DNAH11: variants seen among roughly 807,000 people sequenced by gnomAD.
DNAH11 encodes dynein axonemal heavy chain 11.
In DNAH11, 442 loss-of-function variants were observed where a neutral mutation model predicts 526.0. The observed-to-expected ratio is 0.84, with a 90% CI of 0.78 to 0.91. The LOEUF (loss-of-function observed/expected upper bound fraction) is 0.91. DNAH11 is among the 40% of genes least tolerant of loss of function. The probability of loss-of-function intolerance (pLI) is 0.00; values close to 1 mark genes in which losing one functional copy is unlikely to be tolerated. For missense variants in DNAH11, 6,989 were observed against 5,448.7 expected (o/e 1.28, Z -8.90); for synonymous variants, 2,461 against 1,935.9 (o/e 1.27, Z -7.12).
intron 65 of DNAH11, among the ~76,000 whole-genome samples, chr7:21,819,828 C>T (rs1370464057): frequency 6.6e-6 from 1 of 152,168 alleles, no homozygotes; most frequent in Non-Finnish European, 1.5e-5. Context: ...AAGTCTTTAT[C>T]ACAAAATATC....
At chr7:21,835,868 C>CAAA (rs112075174) in intron 65 of DNAH11, among the ~76,000 whole-genome samples, 22 of 117,194 alleles carry the variant, frequency 1.9e-4, no homozygotes, top group African/African-American at 5.9e-4. Context: ...AAAGACTCCT[C>CAAA]AAAAAAAAAA....
chr7:21,707,357 T>A (rs561016641), intron 39 of DNAH11, among the ~76,000 whole-genome samples: 166 of 152,352 alleles, frequency 1.1e-3, no homozygotes, highest in African/African-American at 3.9e-3. Context: ...TCTTGCTGAT[T>A]CAGGCAGGGT....
At chr7:21,680,426 T>C (rs917580718) in intron 30 of DNAH11, among the ~76,000 whole-genome samples, 1 of 152,224 alleles carries the variant, frequency 6.6e-6, no homozygotes, top group East Asian at 1.9e-4. Context: ...GGCAGAAATC[T>C]TTTTGTGTAA....
intron 66 of DNAH11, among the ~76,000 whole-genome samples, chr7:21,849,394 C>T (rs1350590631): frequency 6.6e-6 from 1 of 152,144 alleles, no homozygotes; most frequent in Non-Finnish European, 1.5e-5. Context: ...TCTTCATTTA[C>T]TCCTTCTCTA....
intron 81 of DNAH11, 94 bp from the exon 82 acceptor site, chr7:21,900,913 A>C: frequency 1.4e-6 from 2 of 1,467,912 alleles, no homozygotes; most frequent in Non-Finnish European, 1.8e-6. Flanking sequence ...ACAAAACCAG[A>C]ATGTTGAATG....
chr7:21,628,846 A>T (rs530959347), intron 25 of DNAH11, among the ~76,000 whole-genome samples: 1 of 152,212 alleles, frequency 6.6e-6, no homozygotes, highest in East Asian at 1.9e-4. Flanking sequence ...ATCTTTTCAC[A>T]AAACCACCTT....
At chr7:21,574,937 T>C in intron 8 of DNAH11, among the ~76,000 whole-genome samples, 1 of 129,128 alleles carries the variant, frequency 7.7e-6, no homozygotes. Flanking sequence ...TGCAGTGGCA[T>C]GATCTCAGCT....
chr7:21,618,921 C>T (rs1785908570), intron 23 of DNAH11, among the ~76,000 whole-genome samples, 179 bp from the exon 24 acceptor site: 1 of 152,162 alleles, frequency 6.6e-6, no homozygotes, highest in South Asian at 2.1e-4. Context: ...GCAGGTGACG[C>T]CTCAGGAATT....
intron 65 of DNAH11, among the ~76,000 whole-genome samples, chr7:21,834,876 A>G (rs1036515758): frequency 2.0e-5 from 3 of 152,064 alleles, no homozygotes; most frequent in Admixed American, 2.0e-4. Context: ...AAATAACACA[A>G]ACAAGATCAG....
rs1356574072 is a variant in DNAH11 at position 21,867,805 on chromosome 7, C to T, written c.11691-54C>T. The T allele has an allele frequency of 3.3e-6, 5 of 1,527,464 alleles. No individual in the cohort carries two copies. In the Admixed American group the frequency reaches 9.9e-5, roughly 30 times the overall value. The allele number at this position is 1,527,464 out of a possible 1,614,324, so 94.6% of individuals were successfully genotyped here. A position where few individuals can be genotyped will look rare whatever the true frequency, so the allele number is the denominator to read the frequency against. ...TGGTTTAAGCTTATCCAAATGGTGACTCTTTTCAAGGTCAAAACCACTGAT... is the reference window on the plus strand; with the variant it reads ...TGGTTTAAGCTTATCCAAATGGTGATTCTTTTCAAGGTCAAAACCACTGAT... On this transcript the variant is annotated intron_variant, in intron 71 of 81. Transcript: ENST00000409508.
chr7:21,738,313 C>T (rs186474812), intron 46 of DNAH11, among the ~76,000 whole-genome samples: 19 of 152,232 alleles, frequency 1.2e-4, no homozygotes, highest in African/African-American at 3.9e-4. Context: ...CAGACTCTTC[C>T]GCAGAGATGA....
rs1562503200 is a variant in DNAH11, at chr7:21,711,752, C to G, written c.6875C>G (p.Pro2292Arg). 5.0e-6 allele frequency: 8 copies of G among 1,613,834 alleles called. No individual in the cohort carries two copies. The highest frequency in any genetic ancestry group is 6.8e-6 in the Non-Finnish European group (8 of 1,179,790). The change falls in exon 42 of 82, where the codon CCC (proline) becomes CGC (arginine). Residue 2292 changes from proline to arginine, a missense_variant. Coordinates refer to ENST00000409508, the MANE Select transcript of DNAH11 (RefSeq NM_001277115.2). Reference sequence around the variant, plus strand: ...AGCAATGAGCGCATTGCACTCACTCCCTTCATGAGGCTTCTGTTTGAGATA... The same window carrying G: ...AGCAATGAGCGCATTGCACTCACTCGCTTCATGAGGCTTCTGTTTGAGATA... ...LASNERIALTPFMRLLFEIHH... is the reference protein window; with the variant it reads ...LASNERIALTRFMRLLFEIHH...
At chr7:21,856,684 A>T (rs928025104) in intron 68 of DNAH11, among the ~76,000 whole-genome samples, 2 of 152,238 alleles carry the variant, frequency 1.3e-5, no homozygotes, top group African/African-American at 4.8e-5. Context: ...ACATTCAAAA[A>T]TCACGAAGTG....
chr7:21,593,723 G>A (rs1432370236), intron 14 of DNAH11, among the ~76,000 whole-genome samples: 6 of 151,984 alleles, frequency 3.9e-5, no homozygotes, highest in Non-Finnish European at 8.8e-5. Flanking sequence ...TTGATTTCTT[G>A]TTGTTACTAT....
chr7:21,817,835 T>A (rs755162796), intron 64 of DNAH11, among the ~76,000 whole-genome samples: 2 of 133,180 alleles, frequency 1.5e-5, no homozygotes, highest in Non-Finnish European at 3.6e-5. Context: ...TTTAAAAAAA[T>A]AAAAGTTTGA....
intron 21 of DNAH11, 81 bp downstream of exon 21, chr7:21,615,353 T>C: frequency 1.3e-6 from 2 of 1,490,878 alleles, no homozygotes; most frequent in South Asian, 1.3e-5. Flanking sequence ...TATTATTCTA[T>C]TTGGGTTTTA....
At chr7:21,776,045 A>G (rs1262122502) in intron 56 of DNAH11, among the ~76,000 whole-genome samples, 1 of 152,202 alleles carries the variant, frequency 6.6e-6, no homozygotes, top group African/African-American at 2.4e-5. Flanking sequence ...ACAGGAAAAA[A>G]GAAGAGGAGA....
At chr7:21,695,710 G>T (rs573305003) in intron 35 of DNAH11, among the ~76,000 whole-genome samples, 1 of 152,216 alleles carries the variant, frequency 6.6e-6, no homozygotes, top group East Asian at 1.9e-4. Context: ...AAACACCAAA[G>T]CAATTGCAAC....
At chr7:21,896,944 A>C (rs1468170580) in intron 79 of DNAH11, among the ~76,000 whole-genome samples, 5 of 152,210 alleles carry the variant, frequency 3.3e-5, no homozygotes, top group South Asian at 2.1e-4. Context: ...GTGTGGTGGC[A>C]TGCGACTGTA....
Sources: allele counts gnomAD v4.1 joint callset (sites outside exome capture counted in the v4.1 genomes callset), GRCh38; gene constraint gnomAD v4.1.1; transcripts MANE v1.5; gene names NCBI Gene and HGNC (gene_info 2026-07-23, HGNC 2026-07-21).